The following DIP2B variants were observed in gnomAD, a reference collection of about 807,000 sequenced individuals.
The protein encoded by DIP2B is DIP2 acetate--CoA ligase B (putative).
In DIP2B, 76 loss-of-function variants were observed where a neutral mutation model predicts 198.0. The observed-to-expected ratio is 0.38, with a 90% CI of 0.32 to 0.46. DIP2B has a LOEUF of 0.46. Among genes scored for constraint, DIP2B ranks in the 20% least tolerant of loss-of-function variants. The pLI is 0.99. For synonymous variants in DIP2B, 701 were observed against 739.1 expected, an observed-to-expected ratio of 0.95 and a Z score of 0.84; for missense variants, 1,559 against 1,978.4, an observed-to-expected ratio of 0.79 and a Z score of 4.02.
intron 1 of DIP2B, among the ~76,000 whole-genome samples, chr12:50,530,710 TGGA>T (rs535435686): frequency 6.6e-6 from 1 of 152,104 alleles, no homozygotes; most frequent in South Asian, 2.1e-4. Flanking sequence ...GAGACTAGTA[TGGA>T]GGAGGAGGAG....
At position 50,533,428 on chromosome 12, in the gene DIP2B, G is replaced by A. The variant is rs916241813; in HGVS notation, c.100+28188G>A. Among the ~76,000 whole-genome samples the A allele has an allele frequency of 4.6e-5, 7 of 152,140 alleles. No homozygotes were observed. The East Asian group carries it at 9.6e-4, about 21-fold the overall frequency. ...ACAAGTTGTGTAGGGTGAGGGTAGCGTCGAACTAGAGTTTTGGCTGTTGCT... is the reference window on the plus strand; with the variant it reads ...ACAAGTTGTGTAGGGTGAGGGTAGCATCGAACTAGAGTTTTGGCTGTTGCT... On this transcript the variant is annotated intron_variant, in intron 1 of 37. Coordinates refer to ENST00000301180, the MANE Select transcript of DIP2B (RefSeq NM_173602.3).
intron 1 of DIP2B, among the ~76,000 whole-genome samples, chr12:50,562,163 G>A (rs1958524489): frequency 6.6e-6 from 1 of 152,154 alleles, no homozygotes; most frequent in Non-Finnish European, 1.5e-5. Context: ...AATACAAAGA[G>A]GTGGAGAAGA....
intron 3 of DIP2B, 26 bp downstream of exon 3, chr12:50,640,878 G>C (rs1393866164): frequency 6.2e-7 from 1 of 1,604,630 alleles, no homozygotes; most frequent in South Asian, 1.1e-5. Flanking sequence ...AGAATGGCCA[G>C]CTGAATCGTT....
At chr12:50,722,145 TCCCTTC>T (rs1367151481) in intron 26 of DIP2B, among the ~76,000 whole-genome samples, 3 of 152,172 alleles carry the variant, frequency 2.0e-5, no homozygotes. Flanking sequence ...ATTGGAGTTT[TCCCTTC>T]ATTATTTCTG....
At chr12:50,706,739 G>T (rs2139568066) in intron 21 of DIP2B, 74 bp downstream of exon 21, 1 of 1,536,410 alleles carries the variant, frequency 6.5e-7, no homozygotes, top group Non-Finnish European at 8.9e-7. Context: ...TGATTTCAGT[G>T]GTATTTTGTA....
chr12:50,670,558 G>A (rs1309553907), intron 4 of DIP2B, among the ~76,000 whole-genome samples: 1 of 151,982 alleles, frequency 6.6e-6, no homozygotes, highest in Non-Finnish European at 1.5e-5. Flanking sequence ...TGGGATTACA[G>A]GCATGCACCA....
intron 12 of DIP2B, among the ~76,000 whole-genome samples, chr12:50,688,732 T>C (rs1939172823): frequency 6.6e-6 from 1 of 152,256 alleles, no homozygotes; most frequent in African/African-American, 2.4e-5. Flanking sequence ...GTCTCAGTGA[T>C]GACATGGTTC....
intron 1 of DIP2B, among the ~76,000 whole-genome samples, chr12:50,541,039 T>A (rs369005558): frequency 8.5e-5 from 13 of 152,104 alleles, no homozygotes; most frequent in African/African-American, 2.2e-4. Flanking sequence ...TTCTAGAATT[T>A]AAAAAAATCA....
chr12:50,516,197 A>G (rs1455549067), intron 1 of DIP2B, among the ~76,000 whole-genome samples: 1 of 144,036 alleles, frequency 6.9e-6, no homozygotes, highest in East Asian at 2.0e-4. Context: ...TGACCTAATC[A>G]CCTCCTAGAG....
At position 50,730,562 on chromosome 12, in the gene DIP2B, T is replaced by G. The variant is rs117058965; in HGVS notation, c.3642-807T>G. Among the ~76,000 whole-genome samples, 45 of 152,146 alleles carry G rather than the reference T, an allele frequency of 3.0e-4. 1 individual carries two copies. The East Asian group carries it at 8.7e-3, about 29-fold the overall frequency. On this transcript the variant is annotated intron_variant, in intron 30 of 37. Coordinates refer to ENST00000301180, the MANE Select transcript of DIP2B (RefSeq NM_173602.3). The stretch of plus-strand genomic sequence containing the variant: ...GCCTGGCTAATTGTTAAAAAAATTT[T>G]TTTTGTAGAGGCATGAGTTTTGCTC...
chr12:50,552,918 G>A (rs536758532), intron 1 of DIP2B, among the ~76,000 whole-genome samples: 130 of 151,580 alleles, frequency 8.6e-4, no homozygotes, highest in Non-Finnish European at 3.5e-4. Context: ...TCACTGCAAC[G>A]TCTGCCTCCC....
intron 3 of DIP2B, among the ~76,000 whole-genome samples, chr12:50,655,260 A>C (rs941735106): frequency 5.3e-5 from 8 of 152,256 alleles, no homozygotes; most frequent in African/African-American, 1.9e-4. Context: ...GTGCAAAAAA[A>C]TACAATATGC....
chr12:50,645,298 G>A (rs573067176), intron 3 of DIP2B, among the ~76,000 whole-genome samples: 6 of 152,136 alleles, frequency 3.9e-5, no homozygotes, highest in East Asian at 1.9e-4. Context: ...ATAAACAGTC[G>A]TGTGCACAAA....
At chr12:50,629,100 T>C (rs1937992392) in intron 2 of DIP2B, among the ~76,000 whole-genome samples, 1 of 152,136 alleles carries the variant, frequency 6.6e-6, no homozygotes, top group African/African-American at 2.4e-5. Flanking sequence ...CAAGCTGGTA[T>C]TGAACTACTG....
At chr12:50,620,685 A>G (rs1208185451) in intron 1 of DIP2B, among the ~76,000 whole-genome samples, 1 of 152,224 alleles carries the variant, frequency 6.6e-6, no homozygotes, top group Non-Finnish European at 1.5e-5. Context: ...TTTAATGCAA[A>G]TTTTATATAG....
intron 1 of DIP2B, among the ~76,000 whole-genome samples, chr12:50,612,182 G>T (rs73307170): frequency 2.0e-5 from 3 of 152,056 alleles, no homozygotes; most frequent in African/African-American, 7.2e-5. Context: ...AATGGGTCAA[G>T]GCTGCAGTGA....
intron 1 of DIP2B, among the ~76,000 whole-genome samples, chr12:50,610,772 C>T (rs1407774189): frequency 6.6e-6 from 1 of 150,658 alleles, no homozygotes; most frequent in Non-Finnish European, 1.5e-5. Flanking sequence ...TCCCAAAGTG[C>T]TGGGATTACA....
intron 4 of DIP2B, among the ~76,000 whole-genome samples, chr12:50,670,152 G>A (rs1479457626): frequency 1.7e-5 from 2 of 118,666 alleles, no homozygotes; most frequent in African/African-American, 3.4e-5. Flanking sequence ...CACCCAGCAC[G>A]CTTTTCTAAT....
chr12:50,635,231 G>A (rs889220974), intron 2 of DIP2B, among the ~76,000 whole-genome samples: 3 of 152,118 alleles, frequency 2.0e-5, no homozygotes, highest in Admixed American at 2.0e-4. Flanking sequence ...TCTTCATCCT[G>A]TGACTTACTT....
Sources: gnomAD v4.1 joint callset for allele counts (sites outside exome capture counted in the v4.1 genomes callset) on GRCh38, gnomAD v4.1.1 for gene constraint, MANE v1.5 for transcripts, NCBI Gene and HGNC (gene_info 2026-07-23, HGNC 2026-07-21) for gene names.